MAGI1: variants seen among roughly 807,000 people sequenced by gnomAD.
The protein encoded by MAGI1 is membrane-associated guanylate kinase, WW and PDZ domain-containing protein 1.
MAGI1 carries 58 observed loss-of-function variants against 139.9 expected under a neutral mutation model. The observed-to-expected ratio is 0.41, with a 90% CI of 0.34 to 0.52. The LOEUF is 0.52. Among genes scored for constraint, MAGI1 ranks in the 20% least tolerant of loss-of-function variants. MAGI1 has a pLI of 0.12. For missense variants in MAGI1, 1,874 were observed against 1,901.6 expected (o/e 0.99, Z 0.27); for synonymous variants, 812 against 737.9 (o/e 1.10, Z -1.63).
intron 1 of MAGI1, among the ~76,000 whole-genome samples, chr3:65,804,740 C>A (rs2040739995): frequency 6.6e-6 from 1 of 152,074 alleles, no homozygotes; most frequent in South Asian, 2.1e-4. Flanking sequence ...AAAACAGGCA[C>A]AAAGACCAAT....
chr3:65,540,059 A>G (rs368005657), intron 2 of MAGI1, among the ~76,000 whole-genome samples: 1 of 152,232 alleles, frequency 6.6e-6, no homozygotes, highest in Non-Finnish European at 1.5e-5. Context: ...GATCAATGGG[A>G]ATATTAAACA....
At chr3:65,447,055 T>C (rs1948724684) in intron 7 of MAGI1, among the ~76,000 whole-genome samples, 1 of 152,152 alleles carries the variant, frequency 6.6e-6, no homozygotes, top group South Asian at 2.1e-4. Context: ...CTTTAGGCAA[T>C]CTCAAAAATG....
At chr3:65,734,668 T>C (rs886171930) in intron 1 of MAGI1, among the ~76,000 whole-genome samples, 1 of 152,072 alleles carries the variant, frequency 6.6e-6, no homozygotes, top group African/African-American at 2.4e-5. Context: ...GAAAACTCTT[T>C]AGTGACTGTT....
chr3:65,514,561 CT>C (rs1576130927), intron 2 of MAGI1, among the ~76,000 whole-genome samples: 2 of 147,584 alleles, frequency 1.4e-5, no homozygotes, highest in East Asian at 4.0e-4. Flanking sequence ...TGAAAAAATG[CT>C]CATCATCACT....
chr3:65,915,737 G>A (rs1282621859), intron 1 of MAGI1, among the ~76,000 whole-genome samples: 3 of 151,982 alleles, frequency 2.0e-5, no homozygotes, highest in Admixed American at 6.6e-5. Flanking sequence ...CCTTCTCTTT[G>A]CTTGGTAAAA....
chr3:65,438,839 T>C (rs1948032846), intron 9 of MAGI1, among the ~76,000 whole-genome samples: 1 of 152,262 alleles, frequency 6.6e-6, no homozygotes, highest in South Asian at 2.1e-4. Flanking sequence ...ATTTACATAA[T>C]GTCTACAGCT....
intron 1 of MAGI1, among the ~76,000 whole-genome samples, chr3:65,720,322 G>T (rs1452184485): frequency 6.6e-6 from 1 of 152,152 alleles, no homozygotes; most frequent in Non-Finnish European, 1.5e-5. Flanking sequence ...TCTCTCTGCT[G>T]TGAAGTACCT....
At chr3:65,802,290 T>A (rs536978291) in intron 1 of MAGI1, among the ~76,000 whole-genome samples, 1 of 152,244 alleles carries the variant, frequency 6.6e-6, no homozygotes, top group South Asian at 2.1e-4. Flanking sequence ...TCAGAAAAGG[T>A]CTGAACAAAA....
chr3:65,757,565 G>C (rs2036663848), intron 1 of MAGI1, among the ~76,000 whole-genome samples: 2 of 152,142 alleles, frequency 1.3e-5, no homozygotes, highest in South Asian at 4.1e-4. Context: ...TTGAACCCAG[G>C]AGGCAGAGGT....
intron 12 of MAGI1, among the ~76,000 whole-genome samples, chr3:65,407,687 A>G (rs1945463959): frequency 6.6e-6 from 1 of 152,200 alleles, no homozygotes; most frequent in South Asian, 2.1e-4. Context: ...CACACATCAT[A>G]TACCCAAAGA....
chr3:66,005,527 T>G (rs771711878), intron 1 of MAGI1, among the ~76,000 whole-genome samples: 1 of 152,136 alleles, frequency 6.6e-6, no homozygotes, highest in Non-Finnish European at 1.5e-5. Flanking sequence ...ACAGCCTCTT[T>G]GCCTCTCCTC....
chr3:65,461,254 C>T (rs1159942319), intron 5 of MAGI1, among the ~76,000 whole-genome samples: 2 of 151,976 alleles, frequency 1.3e-5, no homozygotes, highest in Non-Finnish European at 2.9e-5. Flanking sequence ...CTTGCTCTGT[C>T]GCCCAGGCTG....
At chr3:65,926,844 AATTTGCTGGGCGCGGTGGTGC>A (rs1166810464) in intron 1 of MAGI1, among the ~76,000 whole-genome samples, 3 of 152,002 alleles carry the variant, frequency 2.0e-5, no homozygotes, top group Non-Finnish European at 4.4e-5. Flanking sequence ...AAAAGTACAA[AATTTGCTGGGCGCGGTGGTGC>A]ACACCTGTAA....
chr3:65,520,555 T>C (rs1435929322), intron 2 of MAGI1, among the ~76,000 whole-genome samples: 1 of 152,204 alleles, frequency 6.6e-6, no homozygotes, highest in Non-Finnish European at 1.5e-5. Flanking sequence ...CTTTGCCCCA[T>C]GCCTGACACT....
chr3:65,669,203 T>C (rs1471763166), intron 1 of MAGI1, among the ~76,000 whole-genome samples: 1 of 152,264 alleles, frequency 6.6e-6, no homozygotes, highest in East Asian at 1.9e-4. Context: ...TTTTACATTT[T>C]TAACTGAAGA....
chr3:65,720,488 G>A, intron 1 of MAGI1, among the ~76,000 whole-genome samples: 1 of 152,026 alleles, frequency 6.6e-6, no homozygotes, highest in East Asian at 1.9e-4. Flanking sequence ...ATGAACCTCT[G>A]GGCCTCAGTC....
intron 2 of MAGI1, among the ~76,000 whole-genome samples, chr3:65,527,067 TC>T (rs1420674965): frequency 1.3e-5 from 2 of 152,238 alleles, no homozygotes; most frequent in Non-Finnish European, 2.9e-5. Context: ...CTTCTCTTCT[TC>T]CATTGGTGAT....
chr3:65,700,326 C>G (rs1365501460), intron 1 of MAGI1, among the ~76,000 whole-genome samples: 1 of 152,060 alleles, frequency 6.6e-6, no homozygotes, highest in Non-Finnish European at 1.5e-5. Flanking sequence ...CCTGTAATCC[C>G]AGCTACTCAG....
At chr3:65,665,268 C>T (rs1418508929) in intron 1 of MAGI1, among the ~76,000 whole-genome samples, 1 of 152,120 alleles carries the variant, frequency 6.6e-6, no homozygotes, top group Non-Finnish European at 1.5e-5. Context: ...AATGAATCCA[C>T]AATAATATAT....
Sources: gnomAD v4.1 joint callset for allele counts (sites outside exome capture counted in the v4.1 genomes callset) on GRCh38, gnomAD v4.1.1 for gene constraint, MANE v1.5 for transcripts, NCBI Gene and HGNC (gene_info 2026-07-23, HGNC 2026-07-21) for gene names.